CHRM4: variants seen among roughly 807,000 people sequenced by gnomAD.
CHRM4 encodes the protein muscarinic acetylcholine receptor M4.
CHRM4 carries 5 observed loss-of-function variants against 26.3 expected under a neutral mutation model. The ratio of observed to expected loss-of-function variants is 0.19; its 90% CI spans 0.10 to 0.40. The LOEUF (loss-of-function observed/expected upper bound fraction) is 0.40. Among genes scored for constraint, CHRM4 ranks in the 10% least tolerant of loss-of-function variants. The pLI, the probability that CHRM4 is intolerant of heterozygous loss-of-function variation, is 1.00. For missense variants in CHRM4, 402 were observed against 664.5 expected, an observed-to-expected ratio of 0.60 and a Z score of 4.34; for synonymous variants, 290 against 285.3, an observed-to-expected ratio of 1.02 and a Z score of -0.16.
In CHRM4 at chr11:46,384,623, T is replaced by C. The variant is rs1325735457; in HGVS notation, c.*495A>G. The stretch of plus-strand genomic sequence containing the variant: ...TGCAGCCAGAGGAGATTTCTGCCCC[T>C]GGAGTGGGATTTGGGGAGAGGGGGC... On this transcript the variant is annotated 3_prime_UTR_variant, in exon 2 of 2. Coordinates refer to ENST00000682254, the MANE Select transcript of CHRM4 (RefSeq NM_000741.5). 1.3e-5 allele frequency among the ~76,000 whole-genome samples: 2 copies of C among 152,060 alleles called. No homozygotes were observed. The highest frequency in any genetic ancestry group is 2.9e-5 in the Non-Finnish European group (2 of 68,006).
chr11:46,390,903 G>A (rs1945385029), intron 1 of CHRM4, among the ~76,000 whole-genome samples: 1 of 152,246 alleles, frequency 6.6e-6, no homozygotes, highest in Admixed American at 6.5e-5. Context: ...CCATGGCTCT[G>A]GGAAGGCTGT....
At position 46,391,447 on chromosome 11, in the gene CHRM4, G is replaced by A. The variant is rs1323750978; in HGVS notation, c.-30+84C>T. ...AGAGCCCCCGGCCTTGCTTCCAGCG[G>A]GGTCCCCCAGCCCCGGCCCACTGCC... On this transcript the variant is annotated intron_variant, in intron 1 of 1. Coordinates refer to ENST00000682254, the MANE Select transcript of CHRM4 (RefSeq NM_000741.5). The surrounding 1 kb of genome is among the most constrained non-coding windows in gnomAD (Gnocchi z 6.3). Among the ~76,000 whole-genome samples the A allele has an allele frequency of 2.0e-5, 3 of 152,034 alleles. No individual in the cohort carries two copies. Among genetic ancestry groups the A allele is most frequent in the South Asian group, 2.1e-4 (1 of 4,828 alleles).
chr11:46,391,021 G>A lies in CHRM4; in HGVS notation c.-30+510C>T, dbSNP rs576049122. ...TGCCCAACACTTCCGTTGCGGGGCC[G>A]GAGGAGGGGGCCTGGAGCTGGAGGA... On this transcript the variant is annotated intron_variant, in intron 1 of 1. Coordinates refer to ENST00000682254, the MANE Select transcript of CHRM4 (RefSeq NM_000741.5). This position sits in a 1 kb window ranked among gnomAD's most constrained non-coding sequence, Gnocchi z 6.3. 6.6e-6 allele frequency among the ~76,000 whole-genome samples: 1 copy of A among 152,296 alleles called. No homozygotes were observed. The highest frequency in any genetic ancestry group is 1.5e-5 in the Non-Finnish European group (1 of 68,004).
In CHRM4 at chr11:46,383,810, CT is replaced by C; in HGVS notation, c.*1307del. ...TGACTTTTTCCCCCCAATAAAAGCTCTTCTTTTTTAATATATAAAAGCCCCT... is the reference window on the plus strand; with the variant it reads ...TGACTTTTTCCCCCCAATAAAAGCTCTCTTTTTTAATATATAAAAGCCCCT... On this transcript the variant is annotated 3_prime_UTR_variant, in exon 2 of 2. Transcript: ENST00000682254. 1 of 437,548 alleles carries C rather than the reference CT, an allele frequency of 2.3e-6. No individual in the cohort carries two copies. The highest frequency in any genetic ancestry group is 2.1e-5 in the South Asian group (1 of 48,554). The allele number at this position is 437,548 out of a possible 1,614,324, so 27.1% of individuals were successfully genotyped here.
chr11:46,389,180 T>C (rs1945370439), intron 1 of CHRM4, among the ~76,000 whole-genome samples: 2 of 152,144 alleles, frequency 1.3e-5, no homozygotes, highest in Admixed American at 1.3e-4. Context: ...CTGCCTCTGC[T>C]CCCCTCGACC....
In CHRM4 at chr11:46,383,940, C is replaced by T. The variant is rs1010979757; in HGVS notation, c.*1178G>A. ...TTCAGGGGGCTTGGTGGTGGGTGCTCTCCAGAGCTCATGGAAAAAGCAGAA... is the reference window on the plus strand; with the variant it reads ...TTCAGGGGGCTTGGTGGTGGGTGCTTTCCAGAGCTCATGGAAAAAGCAGAA... On this transcript the variant is annotated 3_prime_UTR_variant, in exon 2 of 2. Transcript: ENST00000682254. 4 of 273,462 alleles carry T rather than the reference C, an allele frequency of 1.5e-5. No homozygotes were observed. Among genetic ancestry groups the T allele is most frequent in the Non-Finnish European group, 1.4e-5 (2 of 138,466 alleles). The allele number at this position is 273,462 out of a possible 1,614,324, so 16.9% of individuals were successfully genotyped here.
At position 46,386,775 on chromosome 11, in the gene CHRM4, C is replaced by T. The variant is rs1033055030; in HGVS notation, c.-29-189G>A. Among the ~76,000 whole-genome samples the T allele has an allele frequency of 1.3e-5, 2 of 152,212 alleles. No homozygotes were observed. Among genetic ancestry groups the T allele is most frequent in the Non-Finnish European group, 2.9e-5 (2 of 68,032 alleles). On this transcript the variant is annotated intron_variant, in intron 1 of 1. Transcript: ENST00000682254. The surrounding 1 kb of genome is among the most constrained non-coding windows in gnomAD (Gnocchi z 5.8). ...AGCACCTACTATGTGGCAAGCATTG[C>T]TCAGGGTGCTGTGGCTACAGAAGTG... is the stretch of plus-strand genomic sequence containing the variant.
intron 1 of CHRM4, among the ~76,000 whole-genome samples, chr11:46,389,104 T>G (rs924303573): frequency 1.3e-5 from 2 of 151,972 alleles, no homozygotes; most frequent in South Asian, 2.1e-4. Context: ...GAAGTACGGG[T>G]GGGGGCAGAA....
At chr11:46,388,715 A>G (rs1438254563) in intron 1 of CHRM4, among the ~76,000 whole-genome samples, 2 of 152,092 alleles carry the variant, frequency 1.3e-5, no homozygotes, top group Non-Finnish European at 2.9e-5. Flanking sequence ...CTCAGGTGTC[A>G]CTCTCTGAGC....
At chr11:46,387,979 T>A (rs1183513411) in intron 1 of CHRM4, among the ~76,000 whole-genome samples, 1 of 151,856 alleles carries the variant, frequency 6.6e-6, no homozygotes, top group African/African-American at 2.4e-5. Context: ...CTAGCTGGAG[T>A]CCCCACCACA....
chr11:46,386,369 C>G lies in CHRM4; in HGVS notation c.189G>C (p.Leu63=), dbSNP rs201142925. The G allele has an allele frequency of 6.2e-7, 1 of 1,613,926 alleles. No individual in the cohort carries two copies. Residue 63 remains leucine (L), a synonymous_variant, in exon 2 of 2, where the codon CTG becomes CTC. Coordinates refer to ENST00000682254, the MANE Select transcript of CHRM4 (RefSeq NM_000741.5). The surrounding 1 kb of genome is among the most constrained non-coding windows in gnomAD (Gnocchi z 5.8). ...AGAGGAAGTAGTTGTTGACTGTCTGCAGCTGCCTGTTGACCTTGATGGACA... is the reference window on the plus strand; with the variant it reads ...AGAGGAAGTAGTTGTTGACTGTCTGGAGCTGCCTGTTGACCTTGATGGACA... ...VMLSIKVNRQ[L]QTVNNYFLFS... is the part of the protein sequence containing the mutation.
At chr11:46,390,078 G>A (rs1565105985) in intron 1 of CHRM4, among the ~76,000 whole-genome samples, 1 of 152,168 alleles carries the variant, frequency 6.6e-6, no homozygotes, top group African/African-American at 2.4e-5. Context: ...ACAAGCAAAT[G>A]CAGGGCCGAG....
At position 46,384,584 on chromosome 11, in the gene CHRM4, C is replaced by A. The variant is rs1945313231; in HGVS notation, c.*534G>T. Among the ~76,000 whole-genome samples, 1 of 152,200 alleles carries A rather than the reference C, an allele frequency of 6.6e-6. No individual in the cohort carries two copies. The highest frequency in any genetic ancestry group is 2.4e-5 in the African/African-American group (1 of 41,446). On this transcript the variant is annotated 3_prime_UTR_variant, in exon 2 of 2. Transcript: ENST00000682254. ...TGGCCTCCATCATACCCACCCAGAA[C>A]CTGGCTAAGTAGCTGCAGCCAGAGG...
rs200009704 is a variant in CHRM4, at chr11:46,386,345, G to T, written c.213C>A (p.Leu71=). The T allele has an allele frequency of 6.2e-7, 1 of 1,614,038 alleles. No homozygotes were observed. Among genetic ancestry groups the T allele is most frequent in the Non-Finnish European group, 8.5e-7 (1 of 1,179,936 alleles). Residue 71 remains leucine (L), a synonymous_variant, in exon 2 of 2, where the codon CTC becomes CTA. Transcript: ENST00000682254. The surrounding 1 kb of genome is among the most constrained non-coding windows in gnomAD (Gnocchi z 5.8). The part of the protein sequence containing the change: ...RQLQTVNNYF[L]FSLACADLII... Reference sequence around the variant, plus strand: ...TGAGATCAGCACACGCCAGGCTGAAGAGGAAGTAGTTGTTGACTGTCTGCA... The same window carrying T: ...TGAGATCAGCACACGCCAGGCTGAATAGGAAGTAGTTGTTGACTGTCTGCA...
Position 46,385,505 on chromosome 11 carries a change from A to T in CHRM4, c.1053T>A (p.Asn351Lys). The change falls in exon 2 of 2, where the codon AAT becomes AAA. Residue 351 changes from asparagine to lysine, a missense_variant. Physicochemically the swap from Asn to Lys is moderately conservative, Grantham distance 94 (BLOSUM62 0). Coordinates refer to ENST00000682254, the MANE Select transcript of CHRM4 (RefSeq NM_000741.5). The surrounding 1 kb of genome is among the most constrained non-coding windows in gnomAD (Gnocchi z 6.3). ...CAATCTCAATGGCTGTCACACACTC[A>T]TTGCCTGTCTGCTTCGTCACAATCT... ...KIQIVTKQTG[N>K]ECVTAIEIVP... 6.3e-7 allele frequency: 1 copy of T among 1,590,026 alleles called. No homozygotes were observed. Among genetic ancestry groups the T allele is most frequent in the East Asian group, 2.3e-5 (1 of 44,244 alleles).
intron 1 of CHRM4, among the ~76,000 whole-genome samples, chr11:46,389,050 G>C (rs1296941688): frequency 3.3e-5 from 5 of 152,318 alleles, no homozygotes. Flanking sequence ...TCCTCTTATA[G>C]ATGAGGATAA....
At chr11:46,390,410 G>T (rs1033177715) in intron 1 of CHRM4, among the ~76,000 whole-genome samples, 1 of 152,242 alleles carries the variant, frequency 6.6e-6, no homozygotes. Context: ...CACCAGGCAC[G>T]CTCAGCTCTA....
At position 46,391,444 on chromosome 11, in the gene CHRM4, G is replaced by A. The variant is rs936865191; in HGVS notation, c.-30+87C>T. On this transcript the variant is annotated intron_variant, in intron 1 of 1. Transcript: ENST00000682254. The surrounding 1 kb of genome is among the most constrained non-coding windows in gnomAD (Gnocchi z 6.3). ...CCGAGAGCCCCCGGCCTTGCTTCCAGCGGGGTCCCCCAGCCCCGGCCCACT... is the reference window on the plus strand; with the variant it reads ...CCGAGAGCCCCCGGCCTTGCTTCCAACGGGGTCCCCCAGCCCCGGCCCACT... Among the ~76,000 whole-genome samples the A allele has an allele frequency of 6.6e-6, 1 of 151,998 alleles. No homozygotes were observed. The highest frequency in any genetic ancestry group is 1.5e-5 in the Non-Finnish European group (1 of 67,948).
Position 46,386,581 on chromosome 11 carries a change from C to T in CHRM4, c.-24G>A. ...ATGTTGGTTGCCAGGGGTGGGTAGGCCGTGTCTGGGGAGGAAGGGGAGAGA... is the reference window on the plus strand; with the variant it reads ...ATGTTGGTTGCCAGGGGTGGGTAGGTCGTGTCTGGGGAGGAAGGGGAGAGA... On this transcript the variant is annotated 5_prime_UTR_variant, in exon 2 of 2. Transcript: ENST00000682254. The surrounding 1 kb of genome is among the most constrained non-coding windows in gnomAD (Gnocchi z 5.8). 6.2e-7 allele frequency: 1 copy of T among 1,602,226 alleles called. No individual in the cohort carries two copies. Among genetic ancestry groups the T allele is most frequent in the Non-Finnish European group, 8.5e-7 (1 of 1,171,656 alleles).
Sources: allele counts gnomAD v4.1 joint callset (sites outside exome capture counted in the v4.1 genomes callset), GRCh38; gene constraint gnomAD v4.1.1; non-coding constraint Gnocchi (gnomAD v3.1); transcripts MANE v1.5; gene names NCBI Gene and HGNC (gene_info 2026-07-23, HGNC 2026-07-21).